The following PIEZO2 variants were observed in gnomAD, a reference collection of about 807,000 sequenced individuals.
PIEZO2 encodes the protein piezo-type mechanosensitive ion channel component 2.
PIEZO2 carries 172 observed loss-of-function variants against 337.3 expected under a neutral mutation model. The ratio of observed to expected loss-of-function variants is 0.51; its 90% CI spans 0.45 to 0.58. PIEZO2 has a LOEUF of 0.58. Among genes scored for constraint, PIEZO2 ranks in the 20% least tolerant of loss-of-function variants. The pLI is 0.00. For synonymous variants in PIEZO2, 1,251 were observed against 1,228.5 expected, an observed-to-expected ratio of 1.02 and a Z score of -0.38; for missense variants, 3,028 against 3,391.3, an observed-to-expected ratio of 0.89 and a Z score of 2.66.
intron 3 of PIEZO2, among the ~76,000 whole-genome samples, chr18:10,970,994 G>T (rs1233530422): frequency 2.6e-5 from 4 of 152,142 alleles, no homozygotes; most frequent in Non-Finnish European, 5.9e-5. Context: ...TTCCACCGAT[G>T]GGAAGGACAG....
In PIEZO2 at chr18:11,035,877, C is replaced by T. The variant is rs1003475593; in HGVS notation, c.160+30250G>A. ...TGAACAGCAAATAATATCTGTACTC[C>T]AAATACTTGTCAGAGGAATGAACTC... On this transcript the variant is annotated intron_variant, in intron 2 of 55. Coordinates refer to ENST00000674853, the MANE Select transcript of PIEZO2 (RefSeq NM_001378183.1). The surrounding 1 kb of genome is among the most constrained non-coding windows in gnomAD (Gnocchi z 4.3). Among the ~76,000 whole-genome samples, 1 of 152,174 alleles carries T rather than the reference C, an allele frequency of 6.6e-6. No homozygotes were observed. Among genetic ancestry groups the T allele is most frequent in the Non-Finnish European group, 1.5e-5 (1 of 68,044 alleles).
At chr18:10,696,309 T>C (rs557680566) in intron 46 of PIEZO2, 21 bp from the exon 47 acceptor site, 2 of 1,613,808 alleles carry the variant, frequency 1.2e-6, no homozygotes, top group Middle Eastern at 1.7e-4. Context: ...GACAACAAAT[T>C]CATGCCCAAG....
rs2034984863 is a variant in PIEZO2 at position 10,988,939 on chromosome 18, G to A, written c.161-9279C>T. On this transcript the variant is annotated intron_variant, in intron 2 of 55. Coordinates refer to ENST00000674853, the MANE Select transcript of PIEZO2 (RefSeq NM_001378183.1). The surrounding 1 kb of genome is among the most constrained non-coding windows in gnomAD (Gnocchi z 4.8). ...ATAAGGGGCTGGGGGTGGAGAGCAG[G>A]GAAATGGGAGGCAATTGTCAAAAGG... Among the ~76,000 whole-genome samples the A allele has an allele frequency of 6.6e-6, 1 of 152,054 alleles. No individual in the cohort carries two copies. The highest frequency in any genetic ancestry group is 1.5e-5 in the Non-Finnish European group (1 of 67,982).
intron 2 of PIEZO2, among the ~76,000 whole-genome samples, chr18:11,004,263 AG>A (rs959759099): frequency 1.4e-4 from 22 of 152,294 alleles, no homozygotes; most frequent in African/African-American, 5.3e-4. Context: ...GAGGAACAGA[AG>A]AGAGAGGAAT....
chr18:10,791,481 G>A (rs890409730), intron 13 of PIEZO2, 157 bp from the exon 14 acceptor site: 1 of 751,394 alleles, frequency 1.3e-6, no homozygotes, highest in Admixed American at 4.2e-5. Context: ...CTTCAGCTGA[G>A]ATTCACTGCT....
chr18:10,743,318 T>G (rs2037297797), intron 31 of PIEZO2, among the ~76,000 whole-genome samples: 1 of 152,194 alleles, frequency 6.6e-6, no homozygotes, highest in Non-Finnish European at 1.5e-5. Context: ...TACAGAACTT[T>G]CCCAGGGGGC....
In PIEZO2 at chr18:10,672,221, C is replaced by T. The variant is rs907196629; in HGVS notation, c.8346-442G>A. ...ATAAAATTCTGGGTGAAAATCATTT[C>T]TTATGAGGCTAACTTTGAGAAATAC... On this transcript the variant is annotated intron_variant, in intron 55 of 55. Coordinates refer to ENST00000674853, the MANE Select transcript of PIEZO2 (RefSeq NM_001378183.1). The surrounding 1 kb of genome is among the most constrained non-coding windows in gnomAD (Gnocchi z 4.7). Among the ~76,000 whole-genome samples the T allele has an allele frequency of 6.6e-6, 1 of 152,106 alleles. No homozygotes were observed. The highest frequency in any genetic ancestry group is 1.5e-5 in the Non-Finnish European group (1 of 68,014).
chr18:11,047,395 G>C lies in PIEZO2; in HGVS notation c.160+18732C>G, dbSNP rs551903915. Among the ~76,000 whole-genome samples the C allele has an allele frequency of 3.9e-5, 6 of 152,280 alleles. No homozygotes were observed. Among genetic ancestry groups the C allele is most frequent in the South Asian group, 2.1e-4 (1 of 4,822 alleles). On this transcript the variant is annotated intron_variant, in intron 2 of 55. Coordinates refer to ENST00000674853, the MANE Select transcript of PIEZO2 (RefSeq NM_001378183.1). The surrounding 1 kb of genome is among the most constrained non-coding windows in gnomAD (Gnocchi z 7.2). ...GAGGGAGCCGCGCAGTGCAGCAAAGGCTCCTGCCTATCCCACAAGACGGCC... is the reference window on the plus strand; with the variant it reads ...GAGGGAGCCGCGCAGTGCAGCAAAGCCTCCTGCCTATCCCACAAGACGGCC...
chr18:10,934,339 T>A (rs2032256757), intron 3 of PIEZO2, among the ~76,000 whole-genome samples: 1 of 152,140 alleles, frequency 6.6e-6, no homozygotes, highest in Admixed American at 6.5e-5. Flanking sequence ...TCCCTGCAAG[T>A]CATCACCAGG....
chr18:11,005,665 C>T (rs1174371172), intron 2 of PIEZO2, among the ~76,000 whole-genome samples: 1 of 152,230 alleles, frequency 6.6e-6, no homozygotes, highest in Non-Finnish European at 1.5e-5. Flanking sequence ...CCCAGCTTAG[C>T]TGGCCGGGAG....
At chr18:11,042,016 A>T (rs2037140359) in intron 2 of PIEZO2, among the ~76,000 whole-genome samples, 1 of 152,090 alleles carries the variant, frequency 6.6e-6, no homozygotes, top group Admixed American at 6.5e-5. Flanking sequence ...CATCATTTCT[A>T]TTTCAGATTA....
chr18:10,795,394 AT>A lies in PIEZO2; in HGVS notation c.1528-393del, dbSNP rs67529300. Among the ~76,000 whole-genome samples, 239 of 19,406 alleles carry A rather than the reference AT, an allele frequency of 0.012. 9 individuals carry two copies. Among genetic ancestry groups the A allele is most frequent in the African/African-American group, 0.032 (200 of 6,242 alleles). The allele number at this position is 19,406 out of a possible 152,430, so 12.7% of individuals were successfully genotyped here. ...ATTTTATTTTATTTTATTTTATTTT[AT>A]TTTATTTTATTTTATTCAGCTCTAT... On this transcript the variant is annotated intron_variant, in intron 12 of 55. Transcript: ENST00000674853. This position sits in a 1 kb window ranked among gnomAD's most constrained non-coding sequence, Gnocchi z 4.4.
intron 49 of PIEZO2, 44 bp downstream of exon 49, chr18:10,689,611 T>C (rs1439045288): frequency 1.2e-6 from 2 of 1,613,394 alleles, no homozygotes; most frequent in Admixed American, 1.7e-5. Flanking sequence ...AGCCTGTATC[T>C]AAGAGAAGCA....
chr18:11,137,467 C>G (rs1332243422), intron 1 of PIEZO2, among the ~76,000 whole-genome samples: 1 of 152,214 alleles, frequency 6.6e-6, no homozygotes, highest in Non-Finnish European at 1.5e-5. Flanking sequence ...ACACCTCATT[C>G]TAGAGATGAT....
rs1333961469 is a variant in PIEZO2, at chr18:10,784,910, G to A, written c.2366C>T (p.Thr789Ile). Residue 789 changes from threonine (T) to isoleucine (I), a missense_variant, in exon 17 of 56, where the codon ACT (threonine) becomes ATT (isoleucine). By Grantham distance (89) the Thr-to-Ile change is moderately conservative (BLOSUM62 -1). Transcript: ENST00000674853. The surrounding 1 kb of genome is among the most constrained non-coding windows in gnomAD (Gnocchi z 4.5). ...AAAGGAGGTTGGGATGAATATGCGA[G>A]TGAATAGTTCAGCCACAGTAAACTG... is the stretch of plus-strand genomic sequence containing the variant. ...LKQFTVAELF[T>I]RIFIPTSFLL... is the part of the protein sequence containing the mutation. 3.3e-6 allele frequency: 5 copies of A among 1,537,374 alleles called. No homozygotes were observed. The South Asian group carries it at 5.9e-5, about 18-fold the overall frequency.
intron 5 of PIEZO2, among the ~76,000 whole-genome samples, chr18:10,867,726 T>C (rs2042042579): frequency 6.6e-6 from 1 of 152,242 alleles, no homozygotes; most frequent in South Asian, 2.1e-4. Flanking sequence ...TATAAGATAA[T>C]GTCAGTTTGG....
rs563775093 is a variant in PIEZO2, at chr18:10,705,715, G to T, written c.5620C>A (p.Arg1874Ser). 8 of 1,535,892 alleles carry T rather than the reference G, an allele frequency of 5.2e-6. No individual in the cohort carries two copies. In the South Asian group the frequency reaches 9.5e-5, roughly 18 times the overall value. ...EPTQCTMLYSRQGTTETIEEV... is the reference protein window; with the variant it reads ...EPTQCTMLYSSQGTTETIEEV... ...TCGATGGTCTCAGTGGTCCCCTGGC[G>T]TGAGTACAGCATGGTACACTGCGTG... The change falls in exon 41 of 56, where the codon CGC becomes AGC. Residue 1874 changes from arginine to serine, a missense_variant. Arg to Ser is a moderately radical substitution (Grantham distance 110, BLOSUM62 -1). Transcript: ENST00000674853.
chr18:10,734,785 C>T (rs935865967), intron 35 of PIEZO2, among the ~76,000 whole-genome samples: 2 of 152,202 alleles, frequency 1.3e-5, no homozygotes, highest in East Asian at 1.9e-4. Flanking sequence ...AACTGGAAGA[C>T]GGAGACTGAA....
intron 2 of PIEZO2, among the ~76,000 whole-genome samples, chr18:11,025,904 A>T (rs2584733): frequency 0.47 from 71,409 of 151,884 alleles, 17,102 homozygotes; most frequent in African/African-American, 0.56. Context: ...TCCAGACTAT[A>T]AGATCTGGGT....
Sources: allele counts gnomAD v4.1 joint callset (sites outside exome capture counted in the v4.1 genomes callset), GRCh38; gene constraint gnomAD v4.1.1; non-coding constraint Gnocchi (gnomAD v3.1); transcripts MANE v1.5; gene names NCBI Gene and HGNC (gene_info 2026-07-23, HGNC 2026-07-21).